P3H2: variants seen among roughly 807,000 people sequenced by gnomAD.
P3H2 encodes the protein leprecan-like 1.
A neutral mutation model predicts 87.0 loss-of-function variants in P3H2; 80 were observed. That is an observed-to-expected ratio of 0.92 (90% CI 0.77 to 1.11). The LOEUF (loss-of-function observed/expected upper bound fraction) is 1.11, where lower values mean the gene tolerates loss of function less well. Ranked by LOEUF, P3H2 falls within the 50% of genes least tolerant of loss-of-function variation. The pLI, the probability that P3H2 is intolerant of heterozygous loss-of-function variation, is 0.00. For missense variants in P3H2, 1,001 were observed against 923.9 expected (o/e 1.08, Z -1.08); for synonymous variants, 367 against 359.3 (o/e 1.02, Z -0.24).
intron 1 of P3H2, among the ~76,000 whole-genome samples, chr3:190,010,539 A>G (rs12636716): frequency 0.58 from 87,368 of 151,910 alleles, 25,395 homozygotes; most frequent in East Asian, 0.77. Context: ...AGACACCAGG[A>G]GAACGAGCAC....
intron 13 of P3H2, chr3:189,969,747 C>G (rs1723113521): frequency 6.3e-7 from 1 of 1,591,760 alleles, no homozygotes; most frequent in Non-Finnish European, 8.6e-7. Context: ...AATGGCTTGC[C>G]AAATGGAGTA....
At chr3:190,025,175 A>G (rs1725049665) in intron 1 of P3H2, among the ~76,000 whole-genome samples, 1 of 147,646 alleles carries the variant, frequency 6.8e-6, no homozygotes, top group Admixed American at 7.1e-5. Context: ...AGTCACTAGT[A>G]GAACTTTTTT....
At chr3:190,113,533 T>C (rs552985406) in intron 1 of P3H2, among the ~76,000 whole-genome samples, 1 of 151,806 alleles carries the variant, frequency 6.6e-6, no homozygotes, top group South Asian at 2.1e-4. Context: ...TTTACTTAAT[T>C]CCTTAGCAAT....
intron 1 of P3H2, among the ~76,000 whole-genome samples, chr3:190,079,304 G>A (rs113265470): frequency 0.013 from 1,895 of 151,600 alleles, 46 homozygotes; most frequent in African/African-American, 0.043. Context: ...TCACGCCGCT[G>A]CACCAGCCTG....
intron 1 of P3H2, among the ~76,000 whole-genome samples, chr3:190,042,873 A>G (rs1413853329): frequency 6.6e-6 from 1 of 152,214 alleles, no homozygotes; most frequent in East Asian, 1.9e-4. Context: ...CACTCATAAA[A>G]TAATGCTTTG....
chr3:190,056,592 C>T (rs112329798), intron 1 of P3H2, among the ~76,000 whole-genome samples: 11 of 152,278 alleles, frequency 7.2e-5, no homozygotes, highest in African/African-American at 2.2e-4. Context: ...TTCAAGAAGT[C>T]GTGATGATAA....
chr3:190,106,766 T>C (rs1483889804), intron 1 of P3H2, among the ~76,000 whole-genome samples: 1 of 152,222 alleles, frequency 6.6e-6, no homozygotes, highest in South Asian at 2.1e-4. Flanking sequence ...TGGATGCAGA[T>C]TCTGATTCTG....
intron 1 of P3H2, among the ~76,000 whole-genome samples, chr3:190,065,026 G>C (rs1388979850): frequency 6.6e-6 from 1 of 152,108 alleles, no homozygotes; most frequent in Non-Finnish European, 1.5e-5. Context: ...TCCATAATTG[G>C]AGGACTCCCT....
At chr3:190,010,747 G>A (rs1724560878) in intron 1 of P3H2, among the ~76,000 whole-genome samples, 1 of 152,270 alleles carries the variant, frequency 6.6e-6, no homozygotes, top group African/African-American at 2.4e-5. Context: ...ACTAATATAT[G>A]CTGAAAATAA....
chr3:190,058,394 T>C (rs558254378), intron 1 of P3H2, among the ~76,000 whole-genome samples: 9 of 152,266 alleles, frequency 5.9e-5, no homozygotes, highest in Admixed American at 4.6e-4. Flanking sequence ...TATTTATTCC[T>C]GTCCTAAAAC....
rs770165435 is a variant in P3H2 at position 190,019,780 on chromosome 3, T to TAAAAAA, written c.481-24344_481-24339dup. ...AATCCATGTGACATTACCTAGAAAT[T>TAAAAAA]AAAAAATATATATATATATATATAT... On this transcript the variant is annotated intron_variant, in intron 1 of 14. Transcript: ENST00000319332. Among the ~76,000 whole-genome samples, 39 of 57,216 alleles carry TAAAAAA rather than the reference T, an allele frequency of 6.8e-4. 5 individuals are homozygous for TAAAAAA. The East Asian group carries it at 7.2e-3, about 11-fold the overall frequency. 37.5% of individuals were successfully genotyped at this position (57,216 alleles called of 152,430 possible).
chr3:190,103,225 T>A (rs537857572), intron 1 of P3H2, among the ~76,000 whole-genome samples: 2 of 152,360 alleles, frequency 1.3e-5, no homozygotes, highest in African/African-American at 2.4e-5. Context: ...GACAAACCTA[T>A]GTCCTAGGAG....
chr3:190,041,169 G>A (rs527852735), intron 1 of P3H2, among the ~76,000 whole-genome samples: 2 of 143,326 alleles, frequency 1.4e-5, no homozygotes, highest in African/African-American at 5.0e-5. Context: ...CTACTTGGGA[G>A]ATTGAGGTAG....
chr3:189,992,135 C>T lies in P3H2; in HGVS notation c.823+1959G>A, dbSNP rs373105026. ...TTGAGATGGAGTTTCGCTCTTATTG[C>T]CTAGGCTGGAGTGCAATGGCACCAT... is the stretch of plus-strand genomic sequence containing the variant. On this transcript the variant is annotated intron_variant, in intron 3 of 14. Transcript: ENST00000319332. Among the ~76,000 whole-genome samples, 18 of 152,304 alleles carry T rather than the reference C, an allele frequency of 1.2e-4. 1 individual carries two copies. The East Asian group carries it at 3.3e-3, about 28-fold the overall frequency.
intron 1 of P3H2, among the ~76,000 whole-genome samples, chr3:190,113,138 T>C (rs115687633): frequency 0.011 from 1,698 of 152,276 alleles, 38 homozygotes; most frequent in African/African-American, 0.038. Flanking sequence ...ACTGATTCAC[T>C]AGACCACCCC....
intron 1 of P3H2, among the ~76,000 whole-genome samples, chr3:190,083,016 T>C (rs1170617886): frequency 1.3e-5 from 2 of 152,182 alleles, no homozygotes; most frequent in African/African-American, 2.4e-5. Context: ...CAGGATCCCA[T>C]AATGCAGAGG....
chr3:190,035,227 T>C (rs561926217), intron 1 of P3H2, among the ~76,000 whole-genome samples: 3 of 152,268 alleles, frequency 2.0e-5, no homozygotes, highest in East Asian at 1.9e-4. Flanking sequence ...GAATAGTTCA[T>C]AAAACAAAAG....
chr3:189,994,037 T>G, intron 3 of P3H2, 57 bp downstream of exon 3: 1 of 1,332,622 alleles, frequency 7.5e-7, no homozygotes. Context: ...TTTTTACAAA[T>G]TGCAAGTAGT....
At chr3:189,984,071 TATAATA>T (rs1344960435) in intron 7 of P3H2, among the ~76,000 whole-genome samples, 1 of 152,070 alleles carries the variant, frequency 6.6e-6, no homozygotes, top group African/African-American at 2.4e-5. Context: ...AAACTTTAAG[TATAATA>T]ATAATAAAAT....
Sources: gnomAD v4.1 joint callset for allele counts (sites outside exome capture counted in the v4.1 genomes callset) on GRCh38, gnomAD v4.1.1 for gene constraint, MANE v1.5 for transcripts, NCBI Gene and HGNC (gene_info 2026-07-23, HGNC 2026-07-21) for gene names.